The following SCAPER variants were observed in gnomAD, a reference collection of about 807,000 sequenced individuals.
The protein encoded by SCAPER is S phase cyclin A-associated protein in the endoplasmic reticulum.
In SCAPER, 98 loss-of-function variants were observed where a neutral mutation model predicts 182.2. The ratio of observed to expected loss-of-function variants is 0.54; its 90% CI spans 0.46 to 0.64. The LOEUF is 0.64. Ranked by LOEUF, SCAPER falls within the 30% of genes least tolerant of loss-of-function variation. The pLI is 0.00. For missense variants in SCAPER, 1,432 were observed against 1,690.0 expected, an observed-to-expected ratio of 0.85 and a Z score of 2.68; for synonymous variants, 605 against 564.6, an observed-to-expected ratio of 1.07 and a Z score of -1.01.
At chr15:76,569,661 T>C (rs1480925021) in intron 23 of SCAPER, among the ~76,000 whole-genome samples, 1 of 152,118 alleles carries the variant, frequency 6.6e-6, no homozygotes, top group East Asian at 1.9e-4. Flanking sequence ...GGAGCTCTAA[T>C]TATACATAAA....
At chr15:76,661,601 T>C (rs1383863103) in intron 21 of SCAPER, among the ~76,000 whole-genome samples, 1 of 152,036 alleles carries the variant, frequency 6.6e-6, no homozygotes, top group African/African-American at 2.4e-5. Flanking sequence ...CAGTGATCAT[T>C]AGAGAAATGC....
At chr15:76,518,696 T>C (rs1338646455) in intron 23 of SCAPER, among the ~76,000 whole-genome samples, 1 of 152,162 alleles carries the variant, frequency 6.6e-6, no homozygotes, top group Non-Finnish European at 1.5e-5. Flanking sequence ...CAAAATGCAG[T>C]GCAGCAAGGA....
intron 21 of SCAPER, among the ~76,000 whole-genome samples, chr15:76,652,793 A>AC (rs370656213): frequency 6.6e-6 from 1 of 151,906 alleles, no homozygotes; most frequent in African/African-American, 2.4e-5. Context: ...AAAAGCTAGA[A>AC]CCATTCTGCT....
intron 26 of SCAPER, among the ~76,000 whole-genome samples, chr15:76,421,681 C>A (rs868456628): frequency 0.015 from 2,354 of 152,270 alleles, 61 homozygotes; most frequent in African/African-American, 0.054. Flanking sequence ...GTGTTTTAGA[C>A]ATGAAGTCCT....
intron 9 of SCAPER, 143 bp downstream of exon 9, chr15:76,774,712 T>G: frequency 1.3e-6 from 1 of 779,000 alleles, no homozygotes; most frequent in Non-Finnish European, 2.0e-6. Flanking sequence ...CGTTGTTCTA[T>G]TCTTGCCACT....
At chr15:76,672,968 A>AG (rs577380988) in intron 20 of SCAPER, among the ~76,000 whole-genome samples, 8 of 152,056 alleles carry the variant, frequency 5.3e-5, no homozygotes, top group Non-Finnish European at 1.0e-4. Flanking sequence ...TTCAGCATTT[A>AG]GGGGGAAAAA....
intron 23 of SCAPER, among the ~76,000 whole-genome samples, chr15:76,568,190 C>CATATATATATATAT (rs60959582): frequency 9.5e-4 from 132 of 138,672 alleles, no homozygotes; most frequent in Middle Eastern, 3.7e-3. Context: ...ATGGATCAAG[C>CATATATATATATAT]ATATATATAT....
intron 2 of SCAPER, 99 bp downstream of exon 2, chr15:76,883,713 G>T: frequency 2.1e-6 from 2 of 952,668 alleles, no homozygotes; most frequent in Non-Finnish European, 3.1e-6. Flanking sequence ...GTTCCATAGG[G>T]TATCTTGAAT....
At chr15:76,889,202 G>A (rs902141523) in intron 1 of SCAPER, among the ~76,000 whole-genome samples, 9 of 152,202 alleles carry the variant, frequency 5.9e-5, no homozygotes, top group East Asian at 3.9e-4. Context: ...AAGAACAACC[G>A]GTACCAGACA....
intron 20 of SCAPER, among the ~76,000 whole-genome samples, chr15:76,682,214 C>T (rs2057754421): frequency 6.6e-6 from 1 of 152,202 alleles, no homozygotes; most frequent in South Asian, 2.1e-4. Flanking sequence ...CCCATGGCCA[C>T]ATACCCACAT....
At chr15:76,672,428 G>A (rs2057089066) in intron 20 of SCAPER, among the ~76,000 whole-genome samples, 1 of 152,050 alleles carries the variant, frequency 6.6e-6, no homozygotes, top group Non-Finnish European at 1.5e-5. Flanking sequence ...AGGTCAAAAT[G>A]TAACTTTCTA....
At chr15:76,596,615 C>A (rs552438631) in intron 22 of SCAPER, among the ~76,000 whole-genome samples, 9 of 121,096 alleles carry the variant, frequency 7.4e-5, no homozygotes, top group African/African-American at 2.3e-4. Flanking sequence ...GCTTATCTAC[C>A]ATGATCAAGT....
At chr15:76,673,199 TCTA>T in intron 20 of SCAPER, among the ~76,000 whole-genome samples, 1 of 152,028 alleles carries the variant, frequency 6.6e-6, no homozygotes, top group South Asian at 2.1e-4. Context: ...TTCTGAGGAA[TCTA>T]CATGATTCCT....
At chr15:76,379,218 G>A (rs552315605) in intron 28 of SCAPER, among the ~76,000 whole-genome samples, 22 of 152,224 alleles carry the variant, frequency 1.4e-4, no homozygotes, top group African/African-American at 5.3e-4. Flanking sequence ...AGGGTACCTG[G>A]AAACTACAGC....
At chr15:76,362,129 T>C (rs959822826) in intron 29 of SCAPER, among the ~76,000 whole-genome samples, 1 of 151,294 alleles carries the variant, frequency 6.6e-6, no homozygotes, top group Non-Finnish European at 1.5e-5. Flanking sequence ...CCCACCACCA[T>C]ACCCAGCTAA....
At chr15:76,441,467 G>T (rs563345334) in intron 25 of SCAPER, among the ~76,000 whole-genome samples, 47 of 152,170 alleles carry the variant, frequency 3.1e-4, no homozygotes, top group African/African-American at 1.1e-3. Context: ...CACATTCCCT[G>T]GTATCTCATT....
At chr15:76,605,865 T>A (rs2050342537) in intron 22 of SCAPER, among the ~76,000 whole-genome samples, 1 of 152,212 alleles carries the variant, frequency 6.6e-6, no homozygotes, top group Non-Finnish European at 1.5e-5. Flanking sequence ...GGATAGGTGG[T>A]GATATCCCCT....
At chr15:76,418,011 CG>C (rs2045775813) in intron 26 of SCAPER, among the ~76,000 whole-genome samples, 2 of 151,770 alleles carry the variant, frequency 1.3e-5, no homozygotes, top group African/African-American at 2.4e-5. Context: ...AGCAAGACTC[CG>C]TCTCAAAAAA....
chr15:76,480,353 C>T (rs1395663282), intron 24 of SCAPER, among the ~76,000 whole-genome samples: 1 of 152,156 alleles, frequency 6.6e-6, no homozygotes, highest in Non-Finnish European at 1.5e-5. Flanking sequence ...TTATGTGAAA[C>T]TAGGGAGGTC....
Sources: gnomAD v4.1 joint callset for allele counts (sites outside exome capture counted in the v4.1 genomes callset) on GRCh38, gnomAD v4.1.1 for gene constraint, MANE v1.5 for transcripts, NCBI Gene and HGNC (gene_info 2026-07-23, HGNC 2026-07-21) for gene names.